AKAP1: variants seen among roughly 807,000 people sequenced by gnomAD.
AKAP1 encodes the protein A-kinase anchoring protein 1.
AKAP1 carries 32 observed loss-of-function variants against 79.8 expected under a neutral mutation model. The ratio of observed to expected loss-of-function variants is 0.40; its 90% CI spans 0.30 to 0.54. The LOEUF is 0.54. Among genes scored for constraint, AKAP1 ranks in the 20% least tolerant of loss-of-function variants. The probability of loss-of-function intolerance (pLI) is 0.47; values close to 1 mark genes in which losing one functional copy is unlikely to be tolerated. For missense variants in AKAP1, 961 were observed against 1,138.9 expected (o/e 0.84, Z 2.25); for synonymous variants, 416 against 466.7 (o/e 0.89, Z 1.40).
At chr17:57,095,086 C>T (rs1214049660) in intron 1 of AKAP1, 1 of 152,256 alleles carries the variant, frequency 6.6e-6, no homozygotes, top group African/African-American at 2.4e-5. Flanking sequence ...CCTAACAGGG[C>T]ACTTCCATGT....
At position 57,108,788 on chromosome 17, in the gene AKAP1, G is replaced by A. The variant is rs1310093219; in HGVS notation, c.1715-1237G>A. Reference sequence around the variant, plus strand: ...TGGCCTTTGAGTGCAGCCTGCTAGAGTCCGGGTGTGGTTCTGAGCCACTGC... The same window carrying A: ...TGGCCTTTGAGTGCAGCCTGCTAGAATCCGGGTGTGGTTCTGAGCCACTGC... On this transcript the variant is annotated intron_variant, in intron 2 of 10. Transcript: ENST00000337714. Among the ~76,000 whole-genome samples the A allele has an allele frequency of 2.0e-5, 3 of 152,236 alleles. No individual in the cohort carries two copies. In the East Asian group the frequency reaches 5.8e-4, roughly 29 times the overall value.
At position 57,107,901 on chromosome 17, in the gene AKAP1, G is replaced by A. The variant is rs944708080; in HGVS notation, c.1714+723G>A. The A allele has an allele frequency of 1.9e-5, 23 of 1,235,292 alleles. No homozygotes were observed. The African/African-American group carries it at 2.3e-4, about 12-fold the overall frequency. The allele number at this position is 1,235,292 out of a possible 1,614,324, so 76.5% of individuals were successfully genotyped here. A position where few individuals can be genotyped will look rare whatever the true frequency, so the allele number is the denominator to read the frequency against. On this transcript the variant is annotated intron_variant, in intron 2 of 10. Transcript: ENST00000337714. The stretch of plus-strand genomic sequence containing the variant: ...GGAGGCTTGAGCTTCCTGAGTTGTC[G>A]CTGTCACCTTTGCAGAAAGCCTCAG...
At chr17:57,108,995 G>C (rs1296784520) in intron 2 of AKAP1, among the ~76,000 whole-genome samples, 1 of 152,206 alleles carries the variant, frequency 6.6e-6, no homozygotes, top group Admixed American at 6.5e-5. Flanking sequence ...AATCCTGTTC[G>C]AAGCGCCTAG....
rs752713842 is a variant in AKAP1, at chr17:57,118,984, G to A, written c.2577G>A (p.Val859=). 4.3e-6 allele frequency: 7 copies of A among 1,613,444 alleles called. No homozygotes were observed. Among genetic ancestry groups the A allele is most frequent in the Non-Finnish European group, 5.9e-6 (7 of 1,179,396 alleles). Residue 859 remains valine, a splice_region_variant and synonymous_variant, in exon 10 of 11, where the codon GTG becomes GTA. Coordinates refer to ENST00000337714, the MANE Select transcript of AKAP1 (RefSeq NM_003488.4). ...TTCTTTCCACCCCCCTTCTTCAGGT[G>A]ACAAGTTACAGTCCAACTGGTCTTC... ...MTGNTALLAQ[V]TSYSPTGLPL... is the part of the protein sequence containing the mutation.
intron 2 of AKAP1, among the ~76,000 whole-genome samples, chr17:57,108,824 C>T (rs1281331799): frequency 2.6e-5 from 4 of 152,158 alleles, no homozygotes; most frequent in East Asian, 1.9e-4. Flanking sequence ...TGGGAGCCAT[C>T]GGGATGGCAG....
intron 10 of AKAP1, 126 bp downstream of exon 10, chr17:57,119,170 AG>A (rs1434260951): frequency 9.6e-7 from 1 of 1,046,782 alleles, no homozygotes; most frequent in African/African-American, 1.6e-5. Flanking sequence ...AGCACCTCCT[AG>A]GGAACACTTT....
intron 1 of AKAP1, chr17:57,101,716 A>T (rs1914526677): frequency 6.6e-6 from 1 of 152,056 alleles, no homozygotes; most frequent in African/African-American, 2.4e-5. Context: ...AGGAAGTAAG[A>T]CTCTTTATCT....
rs1914919435 is a variant in AKAP1 at position 57,106,896 on chromosome 17, G to T, written c.1432G>T (p.Ala478Ser). 2 of 1,613,854 alleles carry T rather than the reference G, an allele frequency of 1.2e-6. No homozygotes were observed. Among genetic ancestry groups the T allele is most frequent in the East Asian group, 4.5e-5 (2 of 44,882 alleles). The change falls in exon 2 of 11, where the codon GCA becomes TCA. Residue 478 changes from alanine (A) to serine (S), a missense_variant. Coordinates refer to ENST00000337714, the MANE Select transcript of AKAP1 (RefSeq NM_003488.4). The part of the protein sequence containing the change: ...TTPSEELPDR[A>S]GILVEDATCV... ...CCCCAGTGAAGAGTTGCCGGACCGGGCAGGCATCCTGGTGGAAGATGCCAC... is the reference window on the plus strand; with the variant it reads ...CCCCAGTGAAGAGTTGCCGGACCGGTCAGGCATCCTGGTGGAAGATGCCAC...
Position 57,120,420 on chromosome 17 carries a change from T to A in AKAP1, c.*96T>A, listed in dbSNP as rs1915859029. Reference sequence around the variant, plus strand: ...AACATCGGAATAACAAACATTGTCCTCTCCAGAAAGTCCTTTCTTTCTCCA... The same window carrying A: ...AACATCGGAATAACAAACATTGTCCACTCCAGAAAGTCCTTTCTTTCTCCA... On this transcript the variant is annotated 3_prime_UTR_variant, in exon 11 of 11. Transcript: ENST00000337714. The A allele has an allele frequency of 3.6e-6, 4 of 1,125,448 alleles. No individual in the cohort carries two copies. Among genetic ancestry groups the A allele is most frequent in the Non-Finnish European group, 5.2e-6 (4 of 772,052 alleles). 69.7% of individuals were successfully genotyped at this position (1,125,448 alleles called of 1,614,324 possible). A position where few individuals can be genotyped will look rare whatever the true frequency, so the allele number is the denominator to read the frequency against.
Position 57,105,580 on chromosome 17 carries a change from A to T in AKAP1, c.116A>T (p.Gln39Leu). The change falls in exon 2 of 11, where the codon CAG (glutamine) becomes CTG (leucine). Residue 39 changes from glutamine to leucine, a missense_variant. Physicochemically the swap from Gln to Leu is moderately radical, Grantham distance 113 (BLOSUM62 -2). Coordinates refer to ENST00000337714, the MANE Select transcript of AKAP1 (RefSeq NM_003488.4). ...KKGHVSSHDEQQVEAGAVQLR... is the reference protein window; with the variant it reads ...KKGHVSSHDELQVEAGAVQLR... ...GGCCATGTCAGCAGCCATGATGAGC[A>T]GCAGGTGGAGGCTGGTGCTGTGCAG... The T allele has an allele frequency of 6.2e-7, 1 of 1,614,136 alleles. No homozygotes were observed. Among genetic ancestry groups the T allele is most frequent in the South Asian group, 1.1e-5 (1 of 91,086 alleles).
At position 57,094,594 on chromosome 17, in the gene AKAP1, G is replaced by T. The variant is rs1468754106; in HGVS notation, c.-25+9196G>T. 21 of 149,004 alleles carry T rather than the reference G, an allele frequency of 1.4e-4. No individual in the cohort carries two copies. In the Admixed American group the frequency reaches 1.5e-3, roughly 10 times the overall value. The allele number at this position is 149,004 out of a possible 1,614,324, so 9.2% of individuals were successfully genotyped here. A position where few individuals can be genotyped will look rare whatever the true frequency, so the allele number is the denominator to read the frequency against. On this transcript the variant is annotated intron_variant, in intron 1 of 10. Coordinates refer to ENST00000337714, the MANE Select transcript of AKAP1 (RefSeq NM_003488.4). ...TTGGGTACCAGGGAGTGGTGAAAAT[G>T]GGTCCCCCCCAACTTTTTTTTTTTT...
At chr17:57,118,506 T>G in intron 9 of AKAP1, 52 bp downstream of exon 9, 6 of 1,583,368 alleles carry the variant, frequency 3.8e-6, no homozygotes, top group Non-Finnish European at 5.2e-6. Flanking sequence ...TCTTGGGAAC[T>G]GACCTTTCAA....
chr17:57,102,906 C>A (rs1914614848), intron 1 of AKAP1, among the ~76,000 whole-genome samples: 2 of 152,066 alleles, frequency 1.3e-5, no homozygotes. Flanking sequence ...ATGGCGAAAC[C>A]CCGTCTCTAC....
intron 1 of AKAP1, chr17:57,093,214 C>G (rs1000002807): frequency 6.6e-5 from 10 of 152,278 alleles, no homozygotes; most frequent in African/African-American, 2.4e-4. Flanking sequence ...GGGCTCAGTT[C>G]TCTCAATCAG....
chr17:57,107,240 T>C, intron 2 of AKAP1, 62 bp downstream of exon 2: 1 of 1,528,076 alleles, frequency 6.5e-7, no homozygotes, highest in Non-Finnish European at 8.8e-7. Flanking sequence ...GGAGAAAGGC[T>C]GCCAGTCTGC....
At chr17:57,093,680 C>T (rs996181381) in intron 1 of AKAP1, 5 of 152,140 alleles carry the variant, frequency 3.3e-5, no homozygotes, top group Admixed American at 2.6e-4. Context: ...ATCTTAATAA[C>T]GTGTTTTCTA....
Position 57,119,009 on chromosome 17 carries a change from C to T in AKAP1, c.2602C>T (p.Pro868Ser). The T allele has an allele frequency of 6.2e-7, 1 of 1,613,922 alleles. No individual in the cohort carries two copies. Among genetic ancestry groups the T allele is most frequent in the Non-Finnish European group, 8.5e-7 (1 of 1,179,812 alleles). Reference sequence around the variant, plus strand: ...GACAAGTTACAGTCCAACTGGTCTTCCTCTGATTCAGCTGTGGAGTGTGGT... The same window carrying T: ...GACAAGTTACAGTCCAACTGGTCTTTCTCTGATTCAGCTGTGGAGTGTGGT... ...QVTSYSPTGL[P>S]LIQLWSVVGD... The change falls in exon 10 of 11, where the codon CCT becomes TCT. Residue 868 changes from proline (P) to serine (S), a missense_variant. This residue lies in a region of AKAP1 where 629 missense variants were observed against 781.1 expected (regional missense o/e 0.81). Transcript: ENST00000337714.
intron 5 of AKAP1, among the ~76,000 whole-genome samples, chr17:57,114,074 C>T (rs1250817404): frequency 6.6e-6 from 1 of 152,124 alleles, no homozygotes; most frequent in African/African-American, 2.4e-5. Context: ...TGTTGCCCTC[C>T]CTGGGTCTTA....
intron 6 of AKAP1, 49 bp from the exon 7 acceptor site, chr17:57,116,062 G>C (rs1240718949): frequency 6.3e-7 from 1 of 1,590,996 alleles, no homozygotes; most frequent in Admixed American, 1.7e-5. Flanking sequence ...GGCCCTTGGT[G>C]CCCTGCCCTG....
Sources: gnomAD v4.1 joint callset for allele counts (sites outside exome capture counted in the v4.1 genomes callset) on GRCh38, gnomAD v4.1.1 for gene constraint, gnomAD v4.1.1 regional missense constraint, MANE v1.5 for transcripts, NCBI Gene and HGNC (gene_info 2026-07-23, HGNC 2026-07-21) for gene names.